The following RBPJ variants were observed in gnomAD, a reference collection of about 807,000 sequenced individuals.
RBPJ encodes the protein recombining binding protein suppressor of hairless.
Under a neutral mutation model 67.8 loss-of-function variants are expected in RBPJ, and 9 were observed. That is an observed-to-expected ratio of 0.13 (90% confidence interval 0.08 to 0.23). The LOEUF is 0.23. RBPJ is among the 10% of genes least tolerant of loss of function. The pLI is 1.00. For missense variants in RBPJ, 305 were observed against 595.6 expected (o/e 0.51, Z 5.08); for synonymous variants, 198 against 203.3 (o/e 0.97, Z 0.22).
intron 1 of RBPJ, among the ~76,000 whole-genome samples, chr4:26,190,477 G>T (rs1220977941): frequency 6.6e-6 from 1 of 152,182 alleles, no homozygotes; most frequent in Non-Finnish European, 1.5e-5. Flanking sequence ...CATGGGTAAT[G>T]TACCATGATA....
intron 1 of RBPJ, among the ~76,000 whole-genome samples, chr4:26,289,368 G>C (rs1721585418): frequency 9.1e-6 from 1 of 109,744 alleles, no homozygotes; most frequent in African/African-American, 3.8e-5. Flanking sequence ...CTCAGCGACA[G>C]AGTGAGACTT....
At chr4:26,111,255 C>A in the RBPJ span, among the ~76,000 whole-genome samples, 1 of 152,276 alleles carries the variant, frequency 6.6e-6, no homozygotes, top group Admixed American at 6.5e-5. Context: ...CCTGTCCCCC[C>A]AGCCCCAAGC....
intron 1 of RBPJ, among the ~76,000 whole-genome samples, chr4:26,186,199 A>G (rs1190661995): frequency 3.3e-5 from 5 of 150,966 alleles, no homozygotes; most frequent in African/African-American, 1.2e-4. Flanking sequence ...TTTTAAAAAA[A>G]AAAAAAAAAA....
At chr4:26,304,616 G>A (rs1490374246) in intron 1 of RBPJ, among the ~76,000 whole-genome samples, 4 of 152,080 alleles carry the variant, frequency 2.6e-5, no homozygotes, top group Non-Finnish European at 5.9e-5. Flanking sequence ...ATTTTTTCAT[G>A]TGATCAATGG....
chr4:26,217,496 A>T (rs576020338), intron 1 of RBPJ, among the ~76,000 whole-genome samples: 1 of 152,224 alleles, frequency 6.6e-6, no homozygotes, highest in Non-Finnish European at 1.5e-5. Flanking sequence ...TATTTTAGCC[A>T]GGAGGATGCA....
At chr4:26,113,347 C>G in the RBPJ span, 2 of 545,592 alleles carry the variant, frequency 3.7e-6, no homozygotes. Context: ...GTGGGAAAAC[C>G]TTGTGGGAGA....
chr4:26,225,174 T>C (rs1719038994), intron 1 of RBPJ, among the ~76,000 whole-genome samples: 1 of 152,184 alleles, frequency 6.6e-6, no homozygotes, highest in South Asian at 2.1e-4. Context: ...GTAGCTGGTA[T>C]AAAGGAAAAC....
At chr4:26,285,388 A>T (rs1301822770) in intron 1 of RBPJ, among the ~76,000 whole-genome samples, 1 of 151,936 alleles carries the variant, frequency 6.6e-6, no homozygotes, top group Non-Finnish European at 1.5e-5. Context: ...AGCCGCTTCA[A>T]ACAATAAACG....
At chr4:26,307,491 T>C (rs1722276735) in intron 1 of RBPJ, among the ~76,000 whole-genome samples, 1 of 152,250 alleles carries the variant, frequency 6.6e-6, no homozygotes, top group Admixed American at 6.5e-5. Flanking sequence ...GATATAGCTA[T>C]GCTATTTAAA....
upstream of RBPJ, among the ~76,000 whole-genome samples, chr4:26,316,500 C>CAT (rs376824658): frequency 6.0e-3 from 440 of 73,540 alleles, 1 homozygote; most frequent in Middle Eastern, 6.8e-3. Context: ...TATATATATT[C>CAT]ATATATATTC....
chr4:26,427,632 A>G (rs574357508), intron 7 of RBPJ, among the ~76,000 whole-genome samples: 2 of 152,314 alleles, frequency 1.3e-5, no homozygotes, highest in African/African-American at 4.8e-5. Flanking sequence ...CGTGAGATGC[A>G]TCTGTCTGGA....
intron 1 of RBPJ, among the ~76,000 whole-genome samples, chr4:26,299,944 C>T (rs1722022474): frequency 6.6e-6 from 1 of 152,106 alleles, no homozygotes; most frequent in Non-Finnish European, 1.5e-5. Context: ...CTCGGCCTCC[C>T]AAAGTGTTGG....
chr4:26,353,426 C>T (rs986279035), intron 1 of RBPJ, among the ~76,000 whole-genome samples: 3 of 152,154 alleles, frequency 2.0e-5, no homozygotes, highest in Non-Finnish European at 4.4e-5. Flanking sequence ...AATGTCTCTT[C>T]CTGCAAGTTA....
intron 1 of RBPJ, among the ~76,000 whole-genome samples, chr4:26,163,802 C>T (rs1170074133): frequency 6.6e-6 from 1 of 152,220 alleles, no homozygotes; most frequent in East Asian, 1.9e-4. Context: ...TGCCTTCTTT[C>T]TGATAAGGCC....
chr4:26,161,023 C>T (rs1480562473), upstream of RBPJ, among the ~76,000 whole-genome samples: 1 of 152,212 alleles, frequency 6.6e-6, no homozygotes, highest in Non-Finnish European at 1.5e-5. Flanking sequence ...CCCATACTGC[C>T]AAGAGGCAGA....
chr4:26,175,132 A>G (rs1716748590), intron 1 of RBPJ, among the ~76,000 whole-genome samples: 1 of 152,190 alleles, frequency 6.6e-6, no homozygotes, highest in African/African-American at 2.4e-5. Flanking sequence ...GGGAAAGTGC[A>G]TCTGAATAGC....
At chr4:26,252,070 G>A (rs894213220) in intron 1 of RBPJ, among the ~76,000 whole-genome samples, 1 of 147,510 alleles carries the variant, frequency 6.8e-6, no homozygotes, top group Non-Finnish European at 1.5e-5. Flanking sequence ...ACTATAACAA[G>A]TTTTAACTAG....
At chr4:26,165,131 T>G (rs13132898) in intron 1 of RBPJ, among the ~76,000 whole-genome samples, 48,890 of 151,992 alleles carry the variant, frequency 0.32, 9,127 homozygotes, top group East Asian at 0.51. Context: ...AAAAATTCTC[T>G]TTTAAAATAA....
chr4:26,180,987 AG>A (rs60851512), intron 1 of RBPJ, among the ~76,000 whole-genome samples: 4,236 of 152,216 alleles, frequency 0.028, 186 homozygotes, highest in African/African-American at 0.096. Context: ...AGTTCTATAA[AG>A]GGCAGTTCCT....
Sources: allele counts gnomAD v4.1 joint callset (sites outside exome capture counted in the v4.1 genomes callset), GRCh38; gene constraint gnomAD v4.1.1; transcripts MANE v1.5; gene names NCBI Gene and HGNC (gene_info 2026-07-23, HGNC 2026-07-21).